ELMO1: variants seen among roughly 807,000 people sequenced by gnomAD.
ELMO1 encodes engulfment and cell motility 1.
ELMO1 carries 26 observed loss-of-function variants against 98.9 expected under a neutral mutation model. The observed-to-expected ratio is 0.26, with a 90% confidence interval of 0.19 to 0.36. The LOEUF (loss-of-function observed/expected upper bound fraction) is 0.36. ELMO1 is among the 10% of genes least tolerant of loss of function. ELMO1 has a pLI of 1.00. For synonymous variants in ELMO1, 346 were observed against 346.0 expected, an observed-to-expected ratio of 1.00 and a Z score of 0.00; for missense variants, 627 against 935.2, an observed-to-expected ratio of 0.67 and a Z score of 4.30.
intron 19 of ELMO1, among the ~76,000 whole-genome samples, chr7:36,875,088 G>A (rs1005970637): frequency 3.9e-5 from 6 of 152,204 alleles, no homozygotes; most frequent in Non-Finnish European, 8.8e-5. Context: ...TATGTGGCAA[G>A]AGCAATGACA....
intron 14 of ELMO1, among the ~76,000 whole-genome samples, chr7:37,116,169 A>G (rs1563011576): frequency 6.6e-6 from 1 of 152,246 alleles, no homozygotes; most frequent in Non-Finnish European, 1.5e-5. Context: ...AGTGAGCTGC[A>G]GTTCTTTGAA....
At chr7:37,182,574 T>C (rs1159178036) in intron 13 of ELMO1, among the ~76,000 whole-genome samples, 1 of 149,200 alleles carries the variant, frequency 6.7e-6, no homozygotes, top group Non-Finnish European at 1.5e-5. Context: ...TCTCTCTCTC[T>C]CTCCCTCCCC....
intron 15 of ELMO1, 136 bp from the exon 16 acceptor site, chr7:37,013,571 T>G: frequency 9.2e-7 from 1 of 1,082,800 alleles, no homozygotes; most frequent in Non-Finnish European, 1.3e-6. Context: ...AAAAGTATTT[T>G]TGAAAAAAGC....
intron 2 of ELMO1, among the ~76,000 whole-genome samples, chr7:37,330,337 T>C (rs982037722): frequency 6.6e-6 from 1 of 152,252 alleles, no homozygotes; most frequent in Non-Finnish European, 1.5e-5. Flanking sequence ...CTGAATGAAT[T>C]CCTTGTTTTC....
rs549787246 is a variant in ELMO1 at position 36,870,560 on chromosome 7, C to T, written c.1823-85G>A. On this transcript the variant is annotated intron_variant, in intron 19 of 21. Transcript: ENST00000310758. The surrounding 1 kb of genome is among the most constrained non-coding windows in gnomAD (Gnocchi z 4.4). ...AAGAAACAGGACTAAGCACTGGGTC[C>T]GCTACTGTGGTTACCATTCCCAGAA... The T allele has an allele frequency of 1.1e-4, 143 of 1,302,296 alleles. No individual in the cohort carries two copies. Among genetic ancestry groups the T allele is most frequent in the African/African-American group, 6.9e-4 (47 of 67,882 alleles). 80.7% of individuals were successfully genotyped at this position (1,302,296 alleles called of 1,614,324 possible).
intron 19 of ELMO1, among the ~76,000 whole-genome samples, chr7:36,874,381 T>G (rs1428998366): frequency 6.6e-6 from 1 of 152,250 alleles, no homozygotes; most frequent in Admixed American, 6.5e-5. Flanking sequence ...TTTCTGTATC[T>G]CAGTTTCCTT....
At chr7:37,284,403 C>T (rs1316051790) in intron 4 of ELMO1, among the ~76,000 whole-genome samples, 5 of 152,118 alleles carry the variant, frequency 3.3e-5, no homozygotes, top group Admixed American at 2.0e-4. Context: ...GAAGGGAATG[C>T]GTTCAGAAGA....
chr7:36,902,164 T>C (rs983877229), intron 16 of ELMO1, among the ~76,000 whole-genome samples: 2 of 152,236 alleles, frequency 1.3e-5, no homozygotes, highest in African/African-American at 2.4e-5. Flanking sequence ...GTGCAACCTC[T>C]GGCTCCTCTC....
In ELMO1 at chr7:37,013,932, T is replaced by C. The variant is rs1793737443; in HGVS notation, c.1301-497A>G. On this transcript the variant is annotated intron_variant, in intron 15 of 21. Transcript: ENST00000310758. ...CTCCAGGAGGCTCTTTTCTCTCTCA[T>C]GGCAGTAAGCAGGGAACATTTGAGA... is the stretch of plus-strand genomic sequence containing the variant. Among the ~76,000 whole-genome samples the C allele has an allele frequency of 2.0e-5, 3 of 152,232 alleles. No individual in the cohort carries two copies. In the South Asian group the frequency reaches 6.2e-4, roughly 32 times the overall value.
At chr7:37,304,469 A>G (rs554768606) in intron 4 of ELMO1, among the ~76,000 whole-genome samples, 1 of 152,294 alleles carries the variant, frequency 6.6e-6, no homozygotes, top group South Asian at 2.1e-4. Context: ...TAATCCCAGC[A>G]CTTTGGGAGG....
intron 1 of ELMO1, among the ~76,000 whole-genome samples, chr7:37,390,395 G>A (rs1332170343): frequency 6.6e-6 from 1 of 152,082 alleles, no homozygotes; most frequent in Non-Finnish European, 1.5e-5. Flanking sequence ...TAGGAAATCT[G>A]ACTGACAAAG....
intron 16 of ELMO1, among the ~76,000 whole-genome samples, chr7:36,964,788 G>A (rs1239834435): frequency 6.6e-6 from 1 of 152,114 alleles, no homozygotes; most frequent in East Asian, 1.9e-4. Flanking sequence ...ACGCATACGT[G>A]AGTTACCACA....
chr7:36,979,305 C>T (rs192704189), intron 16 of ELMO1, among the ~76,000 whole-genome samples: 252 of 152,320 alleles, frequency 1.7e-3, no homozygotes, highest in Non-Finnish European at 2.5e-3. Flanking sequence ...ATCACTCACA[C>T]ATACATCATT....
chr7:36,964,573 A>G (rs896564483), intron 16 of ELMO1, among the ~76,000 whole-genome samples: 5 of 152,230 alleles, frequency 3.3e-5, no homozygotes, highest in African/African-American at 1.2e-4. Flanking sequence ...AGAATTTAGT[A>G]GTAGATGTTT....
chr7:37,345,974 GC>G (rs1304275517), intron 1 of ELMO1, among the ~76,000 whole-genome samples: 7 of 146,408 alleles, frequency 4.8e-5, no homozygotes, highest in African/African-American at 1.8e-4. Context: ...GGGCAACAGA[GC>G]AAGACTCCAT....
In ELMO1 at chr7:37,259,248, AC is replaced by A; in HGVS notation, c.345del (p.Phe116LeufsTer6). 6.2e-7 allele frequency: 1 copy of A among 1,614,114 alleles called. No individual in the cohort carries two copies. Among genetic ancestry groups the A allele is most frequent in the Non-Finnish European group, 8.5e-7 (1 of 1,180,004 alleles). The part of the protein sequence containing the change: ...KDLASLSRDV[T>X]FAQEFINLDG... The stretch of plus-strand genomic sequence containing the variant: ...TCCAGGTTTATAAACTCCTGGGCAA[AC>A]GTGACATCCCGGGAGAGGCTGGCCA... On this transcript the variant is annotated frameshift_variant, in exon 6 of 22. Transcript: ENST00000310758. LOFTEE classifies it high-confidence loss of function.
chr7:37,372,227 A>C (rs1802146144), intron 1 of ELMO1, among the ~76,000 whole-genome samples: 2 of 152,120 alleles, frequency 1.3e-5, no homozygotes, highest in Non-Finnish European at 2.9e-5. Flanking sequence ...TACCCCAAAA[A>C]AGTTAAGTGA....
intron 15 of ELMO1, among the ~76,000 whole-genome samples, chr7:37,020,459 C>T (rs926855031): frequency 3.9e-5 from 6 of 152,136 alleles, no homozygotes; most frequent in Non-Finnish European, 7.4e-5. Flanking sequence ...GTAAGAAAAT[C>T]GCCAATTGTT....
chr7:37,003,591 CCATAAGTCA>C (rs1335115853), intron 16 of ELMO1, among the ~76,000 whole-genome samples: 2 of 152,020 alleles, frequency 1.3e-5, no homozygotes, highest in African/African-American at 4.8e-5. Context: ...TAATCTTGAC[CCATAAGTCA>C]CTGTTGCTCA....
Sources: allele counts gnomAD v4.1 joint callset (sites outside exome capture counted in the v4.1 genomes callset), GRCh38; gene constraint gnomAD v4.1.1; non-coding constraint Gnocchi (gnomAD v3.1); transcripts MANE v1.5; gene names NCBI Gene and HGNC (gene_info 2026-07-23, HGNC 2026-07-21).